The following CADM2 variants were observed in gnomAD, a reference collection of about 807,000 sequenced individuals.
The protein encoded by CADM2 is cell adhesion molecule 2.
Under a neutral mutation model 49.8 loss-of-function variants are expected in CADM2, and 12 were observed. That is an observed-to-expected ratio of 0.24 (90% CI 0.15 to 0.39). CADM2 has a LOEUF of 0.39. Among genes scored for constraint, CADM2 ranks in the 10% least tolerant of loss-of-function variants. The pLI is 1.00. For synonymous variants in CADM2, 214 were observed against 175.4 expected (o/e 1.22, Z -1.74); for missense variants, 378 against 492.3 (o/e 0.77, Z 2.20).
At chr3:85,021,893 G>T (rs2107295072) in intron 1 of CADM2, among the ~76,000 whole-genome samples, 1 of 152,316 alleles carries the variant, frequency 6.6e-6, no homozygotes, top group East Asian at 1.9e-4. Context: ...TCAGTGTGGG[G>T]ATTGCTAACT....
intron 1 of CADM2, among the ~76,000 whole-genome samples, chr3:85,215,920 C>T (rs1559725603): frequency 6.6e-6 from 1 of 152,218 alleles, no homozygotes; most frequent in Non-Finnish European, 1.5e-5. Flanking sequence ...GTTCTCTCCC[C>T]ACACCATGCA....
At chr3:85,069,731 A>G (rs553407195) in intron 1 of CADM2, among the ~76,000 whole-genome samples, 11 of 152,290 alleles carry the variant, frequency 7.2e-5, no homozygotes, top group African/African-American at 2.6e-4. Context: ...AATGCTCTGT[A>G]AAGACTGGGA....
At chr3:85,747,794 C>T (rs1210008267) in intron 2 of CADM2, among the ~76,000 whole-genome samples, 1 of 152,062 alleles carries the variant, frequency 6.6e-6, no homozygotes, top group Non-Finnish European at 1.5e-5. Flanking sequence ...ATCATCAAAA[C>T]TGCTAGCATA....
intron 1 of CADM2, among the ~76,000 whole-genome samples, chr3:85,048,063 G>A (rs547323687): frequency 2.6e-5 from 4 of 151,910 alleles, no homozygotes; most frequent in African/African-American, 9.7e-5. Context: ...GAAAAATAAA[G>A]CTCCAAATAC....
intron 1 of CADM2, among the ~76,000 whole-genome samples, chr3:85,582,422 G>T (rs1484918036): frequency 6.6e-6 from 1 of 152,160 alleles, no homozygotes; most frequent in Admixed American, 6.6e-5. Context: ...TTTAGAGATG[G>T]TTTATTGCAG....
intron 2 of CADM2, among the ~76,000 whole-genome samples, chr3:85,773,199 C>T (rs1204527484): frequency 6.6e-6 from 1 of 151,938 alleles, no homozygotes; most frequent in Non-Finnish European, 1.5e-5. Context: ...TCATAGTCAG[C>T]CAGAAGAAGA....
chr3:86,034,547 A>G (rs773204580), intron 8 of CADM2, among the ~76,000 whole-genome samples: 2 of 152,068 alleles, frequency 1.3e-5, no homozygotes, highest in Non-Finnish European at 2.9e-5. Flanking sequence ...TATGCTATTT[A>G]TAAGCCACCA....
intron 1 of CADM2, among the ~76,000 whole-genome samples, chr3:85,187,576 T>G (rs945359127): frequency 3.3e-5 from 5 of 152,158 alleles, no homozygotes; most frequent in Non-Finnish European, 7.4e-5. Flanking sequence ...TGCTGGTTTA[T>G]GAACCTCCTC....
chr3:85,142,078 T>G (rs2039593852), intron 1 of CADM2, among the ~76,000 whole-genome samples: 1 of 152,236 alleles, frequency 6.6e-6, no homozygotes, highest in African/African-American at 2.4e-5. Flanking sequence ...TACACCTCAC[T>G]TCAAAGTGAG....
intron 2 of CADM2, among the ~76,000 whole-genome samples, chr3:85,788,541 A>G (rs1366644131): frequency 1.3e-5 from 2 of 152,104 alleles, no homozygotes; most frequent in South Asian, 4.1e-4. Context: ...TTAGATAATA[A>G]TCAATATAAT....
At chr3:85,683,015 T>G (rs2066083378) in intron 1 of CADM2, among the ~76,000 whole-genome samples, 1 of 152,126 alleles carries the variant, frequency 6.6e-6, no homozygotes, top group African/African-American at 2.4e-5. Context: ...CCTTTATGAT[T>G]AAATAAAGAA....
At chr3:85,358,131 A>G (rs2032026988) in intron 1 of CADM2, among the ~76,000 whole-genome samples, 3 of 152,224 alleles carry the variant, frequency 2.0e-5, no homozygotes, top group South Asian at 2.1e-4. Flanking sequence ...TGTGTAATGA[A>G]TACTGCAAAT....
chr3:85,057,658 G>A (rs1042035920), intron 1 of CADM2, among the ~76,000 whole-genome samples: 1 of 152,092 alleles, frequency 6.6e-6, no homozygotes, highest in African/African-American at 2.4e-5. Context: ...ACAAGACAGA[G>A]TTGTTTGTTT....
Position 85,886,243 on chromosome 3 carries a change from G to C in CADM2, c.445G>C (p.Asp149His). 1 of 1,613,950 alleles carries C rather than the reference G, an allele frequency of 6.2e-7. No individual in the cohort carries two copies. Among genetic ancestry groups the C allele is most frequent in the Non-Finnish European group, 8.5e-7 (1 of 1,179,934 alleles). The stretch of plus-strand genomic sequence containing the variant: ...ATTCTCATCACCAGTTATGGAGGGT[G>C]ACTTGATGCAGCTGACTTGCAAAAC... ...SGFSSPVMEG[D>H]LMQLTCKTSG... is the part of the protein sequence containing the mutation. The change falls in exon 5 of 10, where the codon GAC becomes CAC. Residue 149 changes from aspartate to histidine, a missense_variant. Transcript: ENST00000383699.
chr3:85,442,624 A>G (rs2037263301), intron 1 of CADM2, among the ~76,000 whole-genome samples: 1 of 135,874 alleles, frequency 7.4e-6, no homozygotes, highest in African/African-American at 2.8e-5. Flanking sequence ...ATATATATAT[A>G]TATATATATG....
chr3:85,162,959 A>G (rs2040372192), intron 1 of CADM2, among the ~76,000 whole-genome samples: 1 of 151,918 alleles, frequency 6.6e-6, no homozygotes, highest in Non-Finnish European at 1.5e-5. Flanking sequence ...TATATATATG[A>G]CTATTGAAAG....
intron 1 of CADM2, among the ~76,000 whole-genome samples, chr3:85,654,001 C>T (rs12714632): frequency 0.38 from 58,443 of 152,118 alleles, 12,331 homozygotes; most frequent in East Asian, 0.54. Context: ...AATTGGCCAT[C>T]GGATTTATCA....
chr3:85,655,142 C>T (rs1559572841), intron 1 of CADM2, among the ~76,000 whole-genome samples: 1 of 146,370 alleles, frequency 6.8e-6, no homozygotes. Context: ...AAATGAGAAA[C>T]AGGAATCCAC....
intron 8 of CADM2, chr3:86,014,602 A>G: frequency 1.9e-6 from 3 of 1,600,264 alleles, no homozygotes; most frequent in Non-Finnish European, 1.7e-6. Context: ...ATTATTCAGG[A>G]ACTTAAAGAT....
Sources: allele counts gnomAD v4.1 joint callset (sites outside exome capture counted in the v4.1 genomes callset), GRCh38; gene constraint gnomAD v4.1.1; transcripts MANE v1.5; gene names NCBI Gene and HGNC (gene_info 2026-07-23, HGNC 2026-07-21).